Variants in ADAMTSL2 observed in about 807,000 individuals in gnomAD.
ADAMTSL2 encodes the protein ADAMTS like 2.
A neutral mutation model predicts 117.0 loss-of-function variants in ADAMTSL2; 55 were observed. The observed-to-expected ratio is 0.47, with a 90% CI of 0.38 to 0.59. The LOEUF (loss-of-function observed/expected upper bound fraction) is 0.59. ADAMTSL2 is among the 20% of genes least tolerant of loss of function. The probability of loss-of-function intolerance (pLI) is 0.00; values close to 1 mark genes in which losing one functional copy is unlikely to be tolerated. For missense variants in ADAMTSL2, 1,182 were observed against 1,354.5 expected (o/e 0.87, Z 2.00); for synonymous variants, 572 against 566.4 (o/e 1.01, Z -0.14).
chr9:133,551,718 G>A (rs908699844), intron 9 of ADAMTSL2, among the ~76,000 whole-genome samples: 2 of 151,544 alleles, frequency 1.3e-5, no homozygotes, highest in African/African-American at 2.4e-5. Context: ...TATAGGATCT[G>A]CCAGGTCATA....
chr9:133,574,726 G>T lies in ADAMTSL2; in HGVS notation c.2738-20G>T. The T allele has an allele frequency of 6.2e-7, 1 of 1,608,538 alleles. No homozygotes were observed. The highest frequency in any genetic ancestry group is 8.5e-7 in the Non-Finnish European group (1 of 1,175,484). On this transcript the variant is annotated intron_variant, in intron 18 of 18. Transcript: ENST00000651351. ...CCACCTCCTGAAACTGCCCTGCTTC[G>T]CTCTGTGTTCCTTCTCCAGATGACA...
At chr9:133,563,843 GGGA>G (rs1830815584) in intron 12 of ADAMTSL2, among the ~76,000 whole-genome samples, 1 of 36,860 alleles carries the variant, frequency 2.7e-5, no homozygotes. Flanking sequence ...GAGAGAGAGA[GGGA>G]GAGAGAGAGA....
At position 133,570,241 on chromosome 9, in the gene ADAMTSL2, C is replaced by T. The variant is rs905818075; in HGVS notation, c.2416-90C>T. On this transcript the variant is annotated intron_variant, in intron 16 of 18. Transcript: ENST00000651351. ...GCATTCTCACCCAATTGCTATTGAC[C>T]AGCCCGTTGTCACCAGAGTCGCCGT... 7 of 1,434,390 alleles carry T rather than the reference C, an allele frequency of 4.9e-6. No individual in the cohort carries two copies. The African/African-American group carries it at 9.9e-5, about 20-fold the overall frequency. 88.9% of individuals were successfully genotyped at this position (1,434,390 alleles called of 1,614,324 possible). A position where few individuals can be genotyped will look rare whatever the true frequency, so the allele number is the denominator to read the frequency against.
intron 12 of ADAMTSL2, among the ~76,000 whole-genome samples, chr9:133,562,551 CCG>C (rs1438879080): frequency 2.6e-4 from 28 of 105,986 alleles, no homozygotes; most frequent in Non-Finnish European, 3.5e-4. Flanking sequence ...GCTCGCACCG[CCG>C]TGGGCGGCGT....
chr9:133,560,691 G>A (rs1206799320), intron 11 of ADAMTSL2, among the ~76,000 whole-genome samples: 2 of 152,218 alleles, frequency 1.3e-5, no homozygotes, highest in Non-Finnish European at 2.9e-5. Flanking sequence ...TTTTAATTTT[G>A]ATAATTGGAG....
chr9:133,538,258 ATTCTG>A, intron 3 of ADAMTSL2, 86 bp from the exon 4 acceptor site: 1 of 1,486,568 alleles, frequency 6.7e-7, no homozygotes, highest in Non-Finnish European at 9.4e-7. Context: ...GTATCGGGAG[ATTCTG>A]GATCCCAGTG....
At chr9:133,543,051 C>T (rs943866825) in intron 7 of ADAMTSL2, among the ~76,000 whole-genome samples, 3 of 151,888 alleles carry the variant, frequency 2.0e-5, no homozygotes, top group Non-Finnish European at 1.5e-5. Flanking sequence ...TGGGTTCCAG[C>T]GATTCTCCTG....
chr9:133,546,063 T>G (rs35961412), intron 8 of ADAMTSL2, among the ~76,000 whole-genome samples: 32,765 of 152,060 alleles, frequency 0.22, 3,806 homozygotes, highest in South Asian at 0.32. Flanking sequence ...TTCCTGGAAC[T>G]GGCTTTAAGG....
chr9:133,544,558 C>A lies in ADAMTSL2; in HGVS notation c.763+8C>A. On this transcript the variant is annotated splice_region_variant and intron_variant, in intron 8 of 18. Transcript: ENST00000651351. ...AGTCCGCTGACGTGCTAGGTGGGTA[C>A]GCAGTGTCTGGCAGCTGCCTCACTG... 6.2e-7 allele frequency: 1 copy of A among 1,612,530 alleles called. No individual in the cohort carries two copies. The highest frequency in any genetic ancestry group is 2.2e-5 in the East Asian group (1 of 44,874).
chr9:133,540,048 T>C (rs1366093042), intron 5 of ADAMTSL2, among the ~76,000 whole-genome samples, 175 bp downstream of exon 5: 1 of 151,954 alleles, frequency 6.6e-6, no homozygotes, highest in African/African-American at 2.4e-5. Flanking sequence ...GTCTGTCCCC[T>C]CCCCCATGAC....
At position 133,575,316 on chromosome 9, in the gene ADAMTSL2, G is replaced by T. The variant is rs1239376542; in HGVS notation, c.*452G>T. The T allele has an allele frequency of 9.4e-6, 2 of 213,288 alleles. No individual in the cohort carries two copies. The highest frequency in any genetic ancestry group is 7.5e-5 in the South Asian group (1 of 13,258). 13.2% of individuals were successfully genotyped at this position (213,288 alleles called of 1,614,324 possible). On this transcript the variant is annotated 3_prime_UTR_variant, in exon 19 of 19. Transcript: ENST00000651351. ...GCCTTCCTCCCTCAGAGGCCATGGG[G>T]TGAGAGGGGCTCAGGCAGCCAAGGA...
At chr9:133,541,985 C>G (rs994163825) in intron 7 of ADAMTSL2, among the ~76,000 whole-genome samples, 1 of 152,230 alleles carries the variant, frequency 6.6e-6, no homozygotes, top group Non-Finnish European at 1.5e-5. Context: ...GCTTCAGACC[C>G]ACTTAGCAGA....
Position 133,541,703 on chromosome 9 carries a change from C to G in ADAMTSL2, c.682+702C>G, listed in dbSNP as rs111769965. Among the ~76,000 whole-genome samples, 17 of 152,278 alleles carry G rather than the reference C, an allele frequency of 1.1e-4. 1 individual carries two copies. Among genetic ancestry groups the G allele is most frequent in the African/African-American group, 4.1e-4 (17 of 41,574 alleles). On this transcript the variant is annotated intron_variant, in intron 7 of 18. Coordinates refer to ENST00000651351, the MANE Select transcript of ADAMTSL2 (RefSeq NM_014694.4). ...GGCCTGAGTTTCAGAGGCTCCCTGTCGGCTCCAGGCTGACCCAGCCCAGAA... is the reference window on the plus strand; with the variant it reads ...GGCCTGAGTTTCAGAGGCTCCCTGTGGGCTCCAGGCTGACCCAGCCCAGAA...
chr9:133,536,600 A>G lies in ADAMTSL2; in HGVS notation c.-113A>G. 1 of 1,610,806 alleles carries G rather than the reference A, an allele frequency of 6.2e-7. No homozygotes were observed. Among genetic ancestry groups the G allele is most frequent in the South Asian group, 1.1e-5 (1 of 90,658 alleles). Reference sequence around the variant, plus strand: ...AACCACGACCAACTAGTCCCAGATAACCTTGAGGCCTGGGCACTGGCTGGG... The same window carrying G: ...AACCACGACCAACTAGTCCCAGATAGCCTTGAGGCCTGGGCACTGGCTGGG... On this transcript the variant is annotated 5_prime_UTR_variant, in exon 2 of 19. Coordinates refer to ENST00000651351, the MANE Select transcript of ADAMTSL2 (RefSeq NM_014694.4).
In ADAMTSL2 at chr9:133,554,679, G is replaced by T. The variant is rs1177064006; in HGVS notation, c.1262G>T (p.Gly421Val). Reference sequence around the variant, plus strand: ...GGGGCCTGCGAGGGGCCCCCCAGGGGCAAGGGCTTCCGAGGTAACCAGGAG... The same window carrying T: ...GGGGCCTGCGAGGGGCCCCCCAGGGTCAAGGGCTTCCGAGGTAACCAGGAG... ...GGGACEGPPR[G>V]KGFRDRNVTG... is the part of the protein sequence containing the mutation. The change falls in exon 10 of 19, where the codon GGC becomes GTC. Residue 421 changes from glycine to valine, a missense_variant. Physicochemically the swap from Gly to Val is moderately radical, Grantham distance 109. Around this residue, in one of 3 missense-constraint regions of ADAMTSL2, gnomAD observed 345 missense variants for 325.8 expected, o/e 1.06. Transcript: ENST00000651351. This position sits in a 1 kb window ranked among gnomAD's most constrained non-coding sequence, Gnocchi z 5.2. The T allele has an allele frequency of 3.3e-5, 49 of 1,504,976 alleles. No individual in the cohort carries two copies. The highest frequency in any genetic ancestry group is 8.9e-7 in the Non-Finnish European group (1 of 1,124,130). 93.2% of individuals were successfully genotyped at this position (1,504,976 alleles called of 1,614,324 possible).
chr9:133,566,504 G>C (rs1050443744), intron 12 of ADAMTSL2, among the ~76,000 whole-genome samples: 1 of 152,140 alleles, frequency 6.6e-6, no homozygotes, highest in Admixed American at 6.5e-5. Flanking sequence ...GGCAGGGCGC[G>C]CCCGAACCCC....
chr9:133,537,139 T>TGCGGCCCCAGGAGCTTGCC (rs1457498701), intron 2 of ADAMTSL2, among the ~76,000 whole-genome samples: 1 of 152,128 alleles, frequency 6.6e-6, no homozygotes, highest in Non-Finnish European at 1.5e-5. Context: ...GACAGTTAGA[T>TGCGGCCCCAGGAGCTTGCC]GCGGCCCCAG....
chr9:133,563,082 C>T (rs1220765999), intron 12 of ADAMTSL2, among the ~76,000 whole-genome samples: 1 of 152,262 alleles, frequency 6.6e-6, no homozygotes, highest in Admixed American at 6.5e-5. Flanking sequence ...ATTGCCAAAG[C>T]CTTCCGAGCC....
intron 12 of ADAMTSL2, among the ~76,000 whole-genome samples, chr9:133,563,399 C>T (rs1830793893): frequency 6.6e-6 from 1 of 152,234 alleles, no homozygotes; most frequent in Admixed American, 6.5e-5. Flanking sequence ...TCCACTCTTC[C>T]TGGCCAGGGG....
Sources: gnomAD v4.1 joint callset for allele counts (sites outside exome capture counted in the v4.1 genomes callset) on GRCh38, gnomAD v4.1.1 for gene constraint, gnomAD v4.1.1 regional missense constraint, Gnocchi (gnomAD v3.1) non-coding constraint, MANE v1.5 for transcripts, NCBI Gene and HGNC (gene_info 2026-07-23, HGNC 2026-07-21) for gene names.